Variants in SEL1L2 observed in about 807,000 individuals in gnomAD.
The protein encoded by SEL1L2 is SEL1L2 adaptor subunit of SYVN1 ubiquitin ligase, also known as protein sel-1 homolog 2.
SEL1L2 carries 89 observed loss-of-function variants against 98.8 expected under a neutral mutation model. That is an observed-to-expected ratio of 0.90 (90% CI 0.76 to 1.07). The LOEUF (loss-of-function observed/expected upper bound fraction) is 1.07, where lower values mean the gene tolerates loss of function less well. SEL1L2 is among the 50% of genes least tolerant of loss of function. The probability of loss-of-function intolerance (pLI) is 0.00; values close to 1 mark genes in which losing one functional copy is unlikely to be tolerated. For synonymous variants in SEL1L2, 262 were observed against 278.5 expected (o/e 0.94, Z 0.59); for missense variants, 788 against 812.0 (o/e 0.97, Z 0.36).
chr20:13,951,264 G>A lies in SEL1L2; in HGVS notation c.114+4812C>T, dbSNP rs374194594. 5.1e-4 allele frequency among the ~76,000 whole-genome samples: 47 copies of A among 92,446 alleles called. 1 individual carries two copies. In the East Asian group the frequency reaches 9.7e-3, roughly 19 times the overall value. The allele number at this position is 92,446 out of a possible 152,430, so 60.6% of individuals were successfully genotyped here. A position where few individuals can be genotyped will look rare whatever the true frequency, so the allele number is the denominator to read the frequency against. ...TGCACTCCAGCCTGGGCGACAGAGC[G>A]AGACTCCGTCTCAAAAAAAAAAAAA... On this transcript the variant is annotated intron_variant, in intron 2 of 19. Coordinates refer to ENST00000284951, the MANE Select transcript of SEL1L2 (RefSeq NM_025229.2).
At chr20:13,865,283 T>G in intron 16 of SEL1L2, 42 bp from the exon 17 acceptor site, 2 of 1,608,990 alleles carry the variant, frequency 1.2e-6, no homozygotes, top group South Asian at 1.1e-5. Flanking sequence ...TTAAAATGCC[T>G]CTGTAGTAAA....
At position 13,931,074 on chromosome 20, in the gene SEL1L2, C is replaced by T. The variant is rs1006316507; in HGVS notation, c.283+529G>A. ...TTTTTTTTTTTTTTTGACGGAGTCT[C>T]GCTGTGTCACCCAGGCTGGAGTACA... On this transcript the variant is annotated intron_variant, in intron 3 of 19. Coordinates refer to ENST00000284951, the MANE Select transcript of SEL1L2 (RefSeq NM_025229.2). 2.2e-4 allele frequency among the ~76,000 whole-genome samples: 33 copies of T among 148,268 alleles called. 1 individual carries two copies. Among genetic ancestry groups the T allele is most frequent in the Admixed American group, 1.5e-3 (23 of 14,982 alleles).
At chr20:13,874,328 A>G (rs185434565) in intron 12 of SEL1L2, among the ~76,000 whole-genome samples, 11 of 152,346 alleles carry the variant, frequency 7.2e-5, no homozygotes, top group Non-Finnish European at 1.5e-4. Flanking sequence ...GAAATCTAAT[A>G]AATTGTTCAG....
chr20:13,985,924 C>A (rs2052158879), intron 1 of SEL1L2, among the ~76,000 whole-genome samples: 1 of 152,178 alleles, frequency 6.6e-6, no homozygotes. Context: ...CCATTTGTGT[C>A]TACCTTCTTT....
intron 5 of SEL1L2, among the ~76,000 whole-genome samples, chr20:13,900,196 A>G (rs1203710026): frequency 6.6e-6 from 1 of 152,198 alleles, no homozygotes; most frequent in Non-Finnish European, 1.5e-5. Context: ...TGTGACCTAT[A>G]ATACCCTACA....
chr20:13,895,379 G>A (rs908023337), intron 5 of SEL1L2, among the ~76,000 whole-genome samples: 1 of 149,926 alleles, frequency 6.7e-6, no homozygotes, highest in Non-Finnish European at 1.5e-5. Context: ...GGAGGTGGAG[G>A]TTGCAGTGAG....
chr20:13,935,694 T>C (rs1397056774), intron 2 of SEL1L2, among the ~76,000 whole-genome samples: 1 of 151,520 alleles, frequency 6.6e-6, no homozygotes, highest in Non-Finnish European at 1.5e-5. Context: ...GGATTGGGAG[T>C]TGTGTTCTGT....
At chr20:13,893,841 C>T (rs1022683890) in intron 5 of SEL1L2, among the ~76,000 whole-genome samples, 1 of 151,972 alleles carries the variant, frequency 6.6e-6, no homozygotes, top group African/African-American at 2.4e-5. Context: ...TTTTCCAAAC[C>T]CAATGGAATG....
chr20:13,982,246 C>T (rs2051862976), intron 1 of SEL1L2, among the ~76,000 whole-genome samples: 2 of 152,072 alleles, frequency 1.3e-5, no homozygotes, highest in African/African-American at 4.8e-5. Context: ...CATGGTGGCT[C>T]ATGCCTGTAA....
rs373798802 is a variant in SEL1L2, at chr20:13,854,835, C to T, written c.1818+4427G>A. On this transcript the variant is annotated intron_variant, in intron 18 of 19. Coordinates refer to ENST00000284951, the MANE Select transcript of SEL1L2 (RefSeq NM_025229.2). The stretch of plus-strand genomic sequence containing the variant: ...TTGGGAGGCCAAGGAAGGTGGATCA[C>T]GAGGTCAAGAGATTGAGACCATCCT... 3.3e-5 allele frequency among the ~76,000 whole-genome samples: 5 copies of T among 152,116 alleles called. No homozygotes were observed. In the East Asian group the frequency reaches 9.7e-4, roughly 29 times the overall value.
At chr20:13,915,609 C>T (rs1015314357) in intron 4 of SEL1L2, among the ~76,000 whole-genome samples, 1 of 152,192 alleles carries the variant, frequency 6.6e-6, no homozygotes, top group African/African-American at 2.4e-5. Flanking sequence ...ATTTTATACA[C>T]AGTCTCTGGA....
At chr20:13,915,996 G>C (rs1283203871) in intron 4 of SEL1L2, among the ~76,000 whole-genome samples, 1 of 152,158 alleles carries the variant, frequency 6.6e-6, no homozygotes, top group African/African-American at 2.4e-5. Flanking sequence ...CTTCTTTGCT[G>C]ATGGGGAGTG....
Position 13,850,237 on chromosome 20 carries a change from A to T in SEL1L2, c.1901T>A (p.Met634Lys), listed in dbSNP as rs200801217. The T allele has an allele frequency of 3.2e-4, 510 of 1,613,940 alleles. 5 individuals carry two copies. The highest frequency in any genetic ancestry group is 4.8e-5 in the Non-Finnish European group (57 of 1,179,938). ...GAGCAAATGCGTAGTTTCCAGTTTC[A>T]TGACGGCAAAGAGCACAGGTATGTG... ...DAHIPVLFAV[M>K]KLETTHLLRD... Residue 634 changes from methionine to lysine, a missense_variant, in exon 19 of 20, where the codon ATG (methionine) becomes AAG (lysine). Physicochemically the swap from Met to Lys is moderately conservative, Grantham distance 95. Coordinates refer to ENST00000284951, the MANE Select transcript of SEL1L2 (RefSeq NM_025229.2).
At chr20:13,938,489 C>T (rs1448632639) in intron 2 of SEL1L2, among the ~76,000 whole-genome samples, 2 of 152,136 alleles carry the variant, frequency 1.3e-5, no homozygotes, top group Non-Finnish European at 1.5e-5. Flanking sequence ...TAGTTTTATT[C>T]TCAAAACAAC....
At chr20:13,938,172 C>G (rs2148354543) in intron 2 of SEL1L2, among the ~76,000 whole-genome samples, 1 of 151,964 alleles carries the variant, frequency 6.6e-6, no homozygotes, top group Non-Finnish European at 1.5e-5. Flanking sequence ...CCTCCACCTC[C>G]TGGGTTCAAG....
At chr20:13,995,280 C>G (rs762582563), upstream of SEL1L2, 13 of 235,060 alleles carry the variant, frequency 5.5e-5, no homozygotes, top group South Asian at 3.3e-4. This position sits in a 1 kb window ranked among gnomAD's most constrained non-coding sequence, Gnocchi z 4.3. Flanking sequence ...CTCCAGCCCC[C>G]TCGCTCCCTG....
At chr20:13,955,731 G>C (rs909785824) in intron 2 of SEL1L2, among the ~76,000 whole-genome samples, 3 of 152,152 alleles carry the variant, frequency 2.0e-5, no homozygotes, top group Admixed American at 1.3e-4. Context: ...AAGCATCTGT[G>C]ACTTTATAAG....
intron 2 of SEL1L2, among the ~76,000 whole-genome samples, chr20:13,933,109 T>C (rs1400965414): frequency 2.0e-5 from 3 of 151,468 alleles, no homozygotes; most frequent in Admixed American, 1.3e-4. Context: ...ACTTGGGAGG[T>C]GAGGCAGAAG....
chr20:13,961,579 G>T (rs1307896443), intron 1 of SEL1L2, among the ~76,000 whole-genome samples: 1 of 152,192 alleles, frequency 6.6e-6, no homozygotes, highest in Non-Finnish European at 1.5e-5. Context: ...AAAAGAAATT[G>T]AGACAGTTCA....
Sources: allele counts gnomAD v4.1 joint callset (sites outside exome capture counted in the v4.1 genomes callset), GRCh38; gene constraint gnomAD v4.1.1; non-coding constraint Gnocchi (gnomAD v3.1); transcripts MANE v1.5; gene names NCBI Gene and HGNC (gene_info 2026-07-23, HGNC 2026-07-21).